KCNT2: variants seen among roughly 807,000 people sequenced by gnomAD.
The protein encoded by KCNT2 is potassium channel subfamily T member 2.
Under a neutral mutation model 153.8 loss-of-function variants are expected in KCNT2, and 67 were observed. The ratio of observed to expected loss-of-function variants is 0.44; its 90% CI spans 0.36 to 0.53. The LOEUF is 0.53. KCNT2 is among the 20% of genes least tolerant of loss of function. KCNT2 has a pLI of 0.00. For synonymous variants in KCNT2, 500 were observed against 458.8 expected (o/e 1.09, Z -1.15); for missense variants, 975 against 1,354.8 (o/e 0.72, Z 4.40).
chr1:196,445,868 A>G (rs1291675004), intron 8 of KCNT2, among the ~76,000 whole-genome samples: 5 of 151,360 alleles, frequency 3.3e-5, no homozygotes, highest in Non-Finnish European at 7.4e-5. Flanking sequence ...AGCTAGTATC[A>G]AATACATCAG....
intron 13 of KCNT2, among the ~76,000 whole-genome samples, chr1:196,375,668 T>C (rs1668900026): frequency 6.6e-6 from 1 of 151,710 alleles, no homozygotes; most frequent in African/African-American, 2.4e-5. Context: ...ATACTAACTT[T>C]TTATACTTTA....
chr1:196,420,381 G>T (rs1029292465), intron 12 of KCNT2, among the ~76,000 whole-genome samples: 1 of 151,538 alleles, frequency 6.6e-6, no homozygotes, highest in South Asian at 2.1e-4. Flanking sequence ...GTTTTTGTTT[G>T]TTTGTTTGCT....
chr1:196,327,685 A>C (rs1461316514), intron 18 of KCNT2, among the ~76,000 whole-genome samples: 1 of 89,660 alleles, frequency 1.1e-5, no homozygotes, highest in Non-Finnish European at 2.1e-5. Context: ...TTTTTTTTTG[A>C]GACAGGGCCT....
chr1:196,555,238 T>C (rs999043243), intron 1 of KCNT2, among the ~76,000 whole-genome samples: 6 of 151,190 alleles, frequency 4.0e-5, no homozygotes, highest in Admixed American at 3.3e-4. Context: ...AGAATAATAT[T>C]ACATTTGGAA....
At chr1:196,424,239 A>G (rs1381952871) in intron 11 of KCNT2, among the ~76,000 whole-genome samples, 2 of 151,932 alleles carry the variant, frequency 1.3e-5, no homozygotes, top group Non-Finnish European at 2.9e-5. Context: ...TATATAGCTT[A>G]GATACTAATA....
intron 1 of KCNT2, among the ~76,000 whole-genome samples, chr1:196,596,754 T>A (rs776532444): frequency 2.6e-5 from 4 of 152,142 alleles, no homozygotes; most frequent in Non-Finnish European, 5.9e-5. Flanking sequence ...CGTGCTGGCA[T>A]GCAATCATGT....
chr1:196,604,791 A>G (rs1379701002), intron 1 of KCNT2, among the ~76,000 whole-genome samples: 1 of 151,936 alleles, frequency 6.6e-6, no homozygotes, highest in Non-Finnish European at 1.5e-5. Context: ...TACAATATAC[A>G]ATATTTTATA....
intron 12 of KCNT2, among the ~76,000 whole-genome samples, chr1:196,399,568 A>T (rs1395751113): frequency 6.6e-6 from 1 of 151,838 alleles, no homozygotes; most frequent in Non-Finnish European, 1.5e-5. Context: ...TCTATTTGAC[A>T]GCACTATTAG....
intron 25 of KCNT2, among the ~76,000 whole-genome samples, chr1:196,260,927 A>G (rs1288625162): frequency 4.0e-5 from 6 of 151,868 alleles, no homozygotes; most frequent in African/African-American, 1.4e-4. Context: ...TTCACATATA[A>G]CAATAATATC....
chr1:196,412,911 C>G (rs1020940207), intron 12 of KCNT2, among the ~76,000 whole-genome samples: 1 of 151,072 alleles, frequency 6.6e-6, no homozygotes, highest in African/African-American at 2.4e-5. Context: ...AATGTAACTT[C>G]AAAAATGAAA....
At chr1:196,556,277 T>A (rs1658646961) in intron 1 of KCNT2, among the ~76,000 whole-genome samples, 1 of 151,288 alleles carries the variant, frequency 6.6e-6, no homozygotes, top group African/African-American at 2.4e-5. Flanking sequence ...AACCAAAATA[T>A]AAAGAGGTCA....
intron 20 of KCNT2, among the ~76,000 whole-genome samples, chr1:196,317,660 A>T (rs1662859204): frequency 6.6e-6 from 1 of 151,696 alleles, no homozygotes; most frequent in Non-Finnish European, 1.5e-5. Context: ...GAGTGACTGG[A>T]TAAGTATATA....
Position 196,357,728 on chromosome 1 carries a change from T to G in KCNT2, c.1403+15412A>C, listed in dbSNP as rs115505583. Among the ~76,000 whole-genome samples the G allele has an allele frequency of 5.7e-3, 873 of 151,994 alleles. 15 individuals carry two copies. Among genetic ancestry groups the G allele is most frequent in the African/African-American group, 0.02 (826 of 41,514 alleles). On this transcript the variant is annotated intron_variant, in intron 14 of 27. Transcript: ENST00000294725. ...GGGGGCTTTTAGAGGCCAAAGCTCC[T>G]TTATCTGGTTAGTTGCTTGGTGTGG...
chr1:196,428,824 G>A (rs1481951390), intron 9 of KCNT2, among the ~76,000 whole-genome samples: 1 of 152,112 alleles, frequency 6.6e-6, no homozygotes, highest in Non-Finnish European at 1.5e-5. Context: ...GAATATGCAA[G>A]TTTGATTTGC....
intron 11 of KCNT2, among the ~76,000 whole-genome samples, chr1:196,423,586 T>C (rs995900392): frequency 4.0e-5 from 6 of 151,740 alleles, no homozygotes; most frequent in African/African-American, 1.4e-4. Context: ...CTTCCCCTCA[T>C]ACTAGGGTTC....
intron 14 of KCNT2, among the ~76,000 whole-genome samples, chr1:196,344,105 T>C (rs1179012055): frequency 6.6e-6 from 1 of 152,208 alleles, no homozygotes; most frequent in African/African-American, 2.4e-5. Context: ...TTGTGAGTTA[T>C]TTAACTTTTC....
intron 13 of KCNT2, among the ~76,000 whole-genome samples, chr1:196,388,913 C>T (rs1670236269): frequency 1.3e-5 from 2 of 151,644 alleles, no homozygotes; most frequent in South Asian, 4.1e-4. Context: ...ACCTTCAGTA[C>T]AGTGTGAATA....
chr1:196,232,322 G>A (rs1000182368), intron 27 of KCNT2, among the ~76,000 whole-genome samples: 2 of 151,612 alleles, frequency 1.3e-5, no homozygotes, highest in Admixed American at 6.6e-5. Context: ...ACAAACTTCC[G>A]AAAGTGAATT....
At chr1:196,399,770 C>G (rs575043423) in intron 12 of KCNT2, among the ~76,000 whole-genome samples, 2 of 151,722 alleles carry the variant, frequency 1.3e-5, no homozygotes, top group Non-Finnish European at 2.9e-5. Context: ...TAGGCCTCAT[C>G]GTGAGGGCAG....
Sources: gnomAD v4.1 joint callset for allele counts (sites outside exome capture counted in the v4.1 genomes callset) on GRCh38, gnomAD v4.1.1 for gene constraint, MANE v1.5 for transcripts, NCBI Gene and HGNC (gene_info 2026-07-23, HGNC 2026-07-21) for gene names.